The following WWOX variants were observed in gnomAD, a reference collection of about 807,000 sequenced individuals.
The protein encoded by WWOX is WW domain containing oxidoreductase.
In WWOX, 69 loss-of-function variants were observed where a neutral mutation model predicts 46.2. The ratio of observed to expected loss-of-function variants is 1.49; its 90% CI spans 1.23 to 1.82. WWOX has a LOEUF of 1.82. WWOX is among the 40% of genes most tolerant of loss of function. The pLI is 0.00. For missense variants in WWOX, 919 were observed against 542.6 expected (o/e 1.69, Z -6.89); for synonymous variants, 359 against 202.6 (o/e 1.77, Z -6.56).
chr16:78,950,213 T>A (rs2046030755), intron 8 of WWOX, among the ~76,000 whole-genome samples: 1 of 152,208 alleles, frequency 6.6e-6, no homozygotes, highest in Non-Finnish European at 1.5e-5. Flanking sequence ...TTTCCAATAT[T>A]CCCTCCTAAT....
At chr16:78,351,224 C>A (rs2081177778) in intron 5 of WWOX, among the ~76,000 whole-genome samples, 1 of 152,198 alleles carries the variant, frequency 6.6e-6, no homozygotes. Flanking sequence ...ACATCCCCAA[C>A]AAACACTGCT....
rs539825253 is a variant in WWOX, at chr16:78,294,214, C to T, written c.517-92646C>T. On this transcript the variant is annotated intron_variant, in intron 5 of 8. Coordinates refer to ENST00000566780, the MANE Select transcript of WWOX (RefSeq NM_016373.4). The stretch of plus-strand genomic sequence containing the variant: ...TGCCTCAAGAGCTGACTTCCTTCCA[C>T]GAGTTCCTAACCACCTGTCCAGTTG... 1.4e-4 allele frequency among the ~76,000 whole-genome samples: 21 copies of T among 152,166 alleles called. No homozygotes were observed. In the South Asian group the frequency reaches 2.5e-3, roughly 18 times the overall value.
rs112222342 is a variant in WWOX at position 78,894,831 on chromosome 16, A to G, written c.1057-316777A>G. ...CCAAGACCGGCTTCAGTTTTCCACA[A>G]TGCGGCTATTATGAGAAAAACAGTG... On this transcript the variant is annotated intron_variant, in intron 8 of 8. Transcript: ENST00000566780. Among the ~76,000 whole-genome samples, 10 of 152,312 alleles carry G rather than the reference A, an allele frequency of 6.6e-5. No individual in the cohort carries two copies. The East Asian group carries it at 1.2e-3, about 18-fold the overall frequency.
chr16:78,420,577 A>G (rs555770129), intron 6 of WWOX, among the ~76,000 whole-genome samples: 82 of 148,854 alleles, frequency 5.5e-4, no homozygotes, highest in African/African-American at 2.0e-3. Context: ...AGGCGAATCT[A>G]TAGGACAGAA....
In WWOX at chr16:79,005,571, C is replaced by G. The variant is rs556342719; in HGVS notation, c.1057-206037C>G. ...CGGCCTGTAGGTATTTCCTGGCAAC[C>G]TTTGGTGTTTGGGGCATGTTGTCAC... On this transcript the variant is annotated intron_variant, in intron 8 of 8. Coordinates refer to ENST00000566780, the MANE Select transcript of WWOX (RefSeq NM_016373.4). Among the ~76,000 whole-genome samples the G allele has an allele frequency of 3.7e-4, 57 of 152,248 alleles. 1 individual carries two copies. The highest frequency in any genetic ancestry group is 3.4e-3 in the Middle Eastern group (1 of 294).
intron 8 of WWOX, among the ~76,000 whole-genome samples, chr16:79,103,056 G>A (rs1157885404): frequency 1.3e-5 from 2 of 151,238 alleles, no homozygotes; most frequent in Non-Finnish European, 2.9e-5. Context: ...TCTTGCTTTG[G>A]GCAAGTTCTC....
At chr16:78,348,108 A>G (rs1232306653) in intron 5 of WWOX, among the ~76,000 whole-genome samples, 1 of 122,344 alleles carries the variant, frequency 8.2e-6, no homozygotes, top group Non-Finnish European at 2.0e-5. Context: ...TTCTTTTATT[A>G]TTGCTCCCTG....
intron 8 of WWOX, among the ~76,000 whole-genome samples, chr16:78,714,826 C>G (rs1344106010): frequency 2.6e-5 from 4 of 152,112 alleles, no homozygotes; most frequent in Non-Finnish European, 4.4e-5. Context: ...AGATTTTATT[C>G]TAGCTGCAGT....
At chr16:78,395,686 G>A (rs746353831) in intron 6 of WWOX, among the ~76,000 whole-genome samples, 10 of 152,122 alleles carry the variant, frequency 6.6e-5, no homozygotes, top group Non-Finnish European at 1.5e-4. Flanking sequence ...TATTGTTACT[G>A]TAGTGATGTT....
In WWOX at chr16:78,556,835, C is replaced by A. The variant is rs143064862; in HGVS notation, c.1056+124083C>A. On this transcript the variant is annotated intron_variant, in intron 8 of 8. Coordinates refer to ENST00000566780, the MANE Select transcript of WWOX (RefSeq NM_016373.4). ...CCGGGTTCAAGCAATTCTCGCACCT[C>A]AGCCTCCCAAGTAACTGGGATTACA... Among the ~76,000 whole-genome samples, 863 of 152,182 alleles carry A rather than the reference C, an allele frequency of 5.7e-3. 13 individuals carry two copies. The highest frequency in any genetic ancestry group is 0.02 in the African/African-American group (829 of 41,512).
intron 8 of WWOX, among the ~76,000 whole-genome samples, chr16:78,884,254 CAG>C (rs1193460510): frequency 2.7e-5 from 3 of 112,898 alleles, no homozygotes; most frequent in Non-Finnish European, 5.0e-5. Flanking sequence ...GCTTGGGTGA[CAG>C]AGTGAGACCC....
chr16:78,768,054 C>T (rs1036529218), intron 8 of WWOX, among the ~76,000 whole-genome samples: 12 of 151,956 alleles, frequency 7.9e-5, no homozygotes, highest in African/African-American at 2.7e-4. Flanking sequence ...TGGTATTCCA[C>T]CCCCTGTGCT....
intron 8 of WWOX, among the ~76,000 whole-genome samples, chr16:79,099,246 T>C (rs1318398937): frequency 6.6e-6 from 1 of 152,140 alleles, no homozygotes. Context: ...TCTCCTGACA[T>C]CTTCACACAA....
At chr16:78,575,068 TATATATATATATA>T (rs2044839551) in intron 8 of WWOX, among the ~76,000 whole-genome samples, 1 of 25,382 alleles carries the variant, frequency 3.9e-5, no homozygotes, top group Non-Finnish European at 7.3e-5. Context: ...TATATATATA[TATATATATATATA>T]TATATATATA....
chr16:78,998,885 C>G (rs17643319), intron 8 of WWOX, among the ~76,000 whole-genome samples: 1 of 152,038 alleles, frequency 6.6e-6, no homozygotes, highest in Non-Finnish European at 1.5e-5. Flanking sequence ...CTGGCAGGGG[C>G]GGTGTCCGAC....
chr16:78,601,707 A>T, intron 8 of WWOX, among the ~76,000 whole-genome samples: 1 of 152,250 alleles, frequency 6.6e-6, no homozygotes, highest in East Asian at 1.9e-4. Flanking sequence ...ATTCATAATC[A>T]GCAGAAGTCT....
At chr16:78,416,407 C>T (rs923285901) in intron 6 of WWOX, among the ~76,000 whole-genome samples, 3 of 152,116 alleles carry the variant, frequency 2.0e-5, no homozygotes, top group Admixed American at 1.3e-4. Flanking sequence ...TTTCATATTC[C>T]ACAAGCCTGT....
Position 78,634,835 on chromosome 16 carries a change from AGAGTGTGTGTGT to A in WWOX, c.1056+202085_1056+202096del, listed in dbSNP as rs1207707244. 2.5e-3 allele frequency among the ~76,000 whole-genome samples: 322 copies of A among 127,540 alleles called. 1 individual carries two copies. The highest frequency in any genetic ancestry group is 7.5e-3 in the African/African-American group (256 of 34,280). 83.7% of individuals were successfully genotyped at this position (127,540 alleles called of 152,430 possible). ...TGGAGAGAGAGAGAGAGAGAGAGAG[AGAGTGTGTGTGT>A]GTGTGTGTGTGTGTGTGTGTGTGTG... On this transcript the variant is annotated intron_variant, in intron 8 of 8. Transcript: ENST00000566780.
chr16:78,861,404 C>G (rs181443681), intron 8 of WWOX, among the ~76,000 whole-genome samples: 6 of 152,184 alleles, frequency 3.9e-5, no homozygotes, highest in Non-Finnish European at 8.8e-5. Flanking sequence ...CAGAAGTTGA[C>G]AGAGAGTATA....
Sources: allele counts gnomAD v4.1 joint callset (sites outside exome capture counted in the v4.1 genomes callset), GRCh38; gene constraint gnomAD v4.1.1; transcripts MANE v1.5; gene names NCBI Gene and HGNC (gene_info 2026-07-23, HGNC 2026-07-21).